Variants in DNAH3 observed in about 807,000 individuals in gnomAD.
The protein encoded by DNAH3 is dynein axonemal heavy chain 3, also known as axonemal beta dynein heavy chain 3.
DNAH3 carries 332 observed loss-of-function variants against 432.5 expected under a neutral mutation model. That is an observed-to-expected ratio of 0.77 (90% CI 0.70 to 0.84). DNAH3 has a LOEUF of 0.84. Among genes scored for constraint, DNAH3 ranks in the 40% least tolerant of loss-of-function variants. The pLI, the probability that DNAH3 is intolerant of heterozygous loss-of-function variation, is 0.00. For synonymous variants in DNAH3, 1,956 were observed against 1,900.2 expected (o/e 1.03, Z -0.76); for missense variants, 4,861 against 5,114.0 (o/e 0.95, Z 1.51).
chr16:20,936,626 G>A (rs368024934), intron 60 of DNAH3, 23 bp downstream of exon 60: 40 of 1,567,664 alleles, frequency 2.6e-5, no homozygotes, highest in African/African-American at 1.5e-4. Context: ...CCAGGTTCCC[G>A]GTTACCCCTG....
At chr16:21,159,314 C>T in intron 1 of DNAH3, 3 of 1,610,124 alleles carry the variant, frequency 1.9e-6, no homozygotes, top group Non-Finnish European at 2.6e-6. Flanking sequence ...GGACGCGGAC[C>T]CCCTCTCCAC....
At chr16:20,978,474 A>G (rs1433263321) in intron 50 of DNAH3, among the ~76,000 whole-genome samples, 1 of 152,198 alleles carries the variant, frequency 6.6e-6, no homozygotes, top group Non-Finnish European at 1.5e-5. Context: ...GGTTGCAGTG[A>G]GCTGAGATTG....
At chr16:21,156,171 TTTTATTTTATTTTATTTTATTTTATTTTA>T (rs1458565887) in intron 1 of DNAH3, among the ~76,000 whole-genome samples, 6 of 139,662 alleles carry the variant, frequency 4.3e-5, no homozygotes, top group South Asian at 2.1e-4. Flanking sequence ...TCTTATTTTA[TTTTATTTTATTTTATTTTATTTTATTTTA>T]TTTATTTTAT....
At chr16:20,989,058 T>C (rs367941824) in intron 44 of DNAH3, among the ~76,000 whole-genome samples, 35 of 152,332 alleles carry the variant, frequency 2.3e-4, no homozygotes, top group South Asian at 8.3e-4. Flanking sequence ...TAAGATTTAC[T>C]GCAAAGAGCG....
At chr16:21,004,213 A>T (rs553512533) in intron 41 of DNAH3, among the ~76,000 whole-genome samples, 189 of 152,284 alleles carry the variant, frequency 1.2e-3, no homozygotes, top group African/African-American at 4.3e-3. Flanking sequence ...AGAAAAATTT[A>T]AAAAATGAAA....
chr16:20,959,696 C>G lies in DNAH3; in HGVS notation c.10601-292G>C, dbSNP rs2084735476. Among the ~76,000 whole-genome samples the G allele has an allele frequency of 2.0e-5, 3 of 151,690 alleles. No individual in the cohort carries two copies. The South Asian group carries it at 6.2e-4, about 32-fold the overall frequency. On this transcript the variant is annotated intron_variant, in intron 53 of 61. Coordinates refer to ENST00000261383, the Ensembl canonical transcript of DNAH3. ...TGGGGTTCACATTAAATTTTGGACTCAGAAAAAAACTCATTGGCTTCTGTT... is the reference window on the plus strand; with the variant it reads ...TGGGGTTCACATTAAATTTTGGACTGAGAAAAAAACTCATTGGCTTCTGTT...
chr16:21,136,213 AG>A lies in DNAH3; in HGVS notation c.886+110del, dbSNP rs1266746660. The A allele has an allele frequency of 5.6e-6, 6 of 1,072,874 alleles. No individual in the cohort carries two copies. In the African/African-American group the frequency reaches 9.6e-5, roughly 17 times the overall value. 66.5% of individuals were successfully genotyped at this position (1,072,874 alleles called of 1,614,324 possible). A position where few individuals can be genotyped will look rare whatever the true frequency, so the allele number is the denominator to read the frequency against. The stretch of plus-strand genomic sequence containing the variant: ...AGGATTGCTTGAGCCCAGGAGTTCC[AG>A]ACCAGCCTGAGCAACAAAGCAAGAC... On this transcript the variant is annotated intron_variant, in intron 6 of 61. Transcript: ENST00000261383.
At chr16:21,050,365 C>T (rs330139) in intron 29 of DNAH3, among the ~76,000 whole-genome samples, 13 of 152,160 alleles carry the variant, frequency 8.5e-5, no homozygotes, top group African/African-American at 1.9e-4. Context: ...AGTGAGAATA[C>T]TCATAAACTC....
intron 54 of DNAH3, 50 bp from the exon 55 acceptor site, chr16:20,955,107 T>A: frequency 2.0e-6 from 3 of 1,503,500 alleles, no homozygotes; most frequent in Non-Finnish European, 2.7e-6. Context: ...TAAGTTATAG[T>A]GAAAAGCAAC....
rs1034530394 is a variant in DNAH3 at position 20,959,412 on chromosome 16, C to T, written c.10601-8G>A. Reference sequence around the variant, plus strand: ...CAGCAAACTTCAGCAGGCCTGAGACCAGGAAGAAAGGAGGCTTTTGAAAGA... The same window carrying T: ...CAGCAAACTTCAGCAGGCCTGAGACTAGGAAGAAAGGAGGCTTTTGAAAGA... On this transcript the variant is annotated splice_polypyrimidine_tract_variant and splice_region_variant and intron_variant, in intron 53 of 61. Transcript: ENST00000261383. The T allele has an allele frequency of 1.0e-5, 16 of 1,607,348 alleles. No homozygotes were observed. In the Admixed American group the frequency reaches 1.7e-4, roughly 17 times the overall value.
intron 27 of DNAH3, 132 bp downstream of exon 27, chr16:21,057,954 C>T (rs915426230): frequency 1.5e-5 from 10 of 668,296 alleles, no homozygotes; most frequent in African/African-American, 8.9e-5. Context: ...CTCATGGGAA[C>T]CCTGATGTCT....
At chr16:21,112,163 A>G (rs1055127103) in intron 12 of DNAH3, 65 bp from the exon 13 acceptor site, 22 of 1,111,166 alleles carry the variant, frequency 2.0e-5, no homozygotes, top group Non-Finnish European at 2.9e-5. Context: ...GATGAGTCAG[A>G]GTGGCAAATG....
At chr16:21,144,308 G>A (rs1485087460) in intron 3 of DNAH3, among the ~76,000 whole-genome samples, 1 of 152,110 alleles carries the variant, frequency 6.6e-6, no homozygotes, top group African/African-American at 2.4e-5. Context: ...AAAGCCTATG[G>A]GTTCTCTCTT....
intron 17 of DNAH3, among the ~76,000 whole-genome samples, chr16:21,097,706 G>A (rs1246966847): frequency 1.3e-5 from 2 of 152,158 alleles, no homozygotes; most frequent in Admixed American, 6.5e-5. Context: ...GGTCTGTCTG[G>A]TTGAAACTGT....
chr16:20,964,744 T>G (rs1185294397), exon 53 of DNAH3: 1 of 1,614,060 alleles, frequency 6.2e-7, no homozygotes, highest in South Asian at 1.1e-5. Context: ...TTTTATGGGA[T>G]CCCCTAACGT....
intron 61 of DNAH3, among the ~76,000 whole-genome samples, chr16:20,934,632 G>A (rs1161180376): frequency 2.0e-5 from 3 of 152,192 alleles, no homozygotes; most frequent in Non-Finnish European, 4.4e-5. Context: ...ACATCATGAA[G>A]TCAAAAAATT....
chr16:21,115,458 G>A (rs2152807117), intron 12 of DNAH3, among the ~76,000 whole-genome samples: 1 of 151,322 alleles, frequency 6.6e-6, no homozygotes, highest in South Asian at 2.1e-4. Context: ...TGTAATCCCA[G>A]CACTTTGGGA....
At position 20,936,654 on chromosome 16, in the gene DNAH3, A is replaced by C. The variant is rs983413993; in HGVS notation, c.11854T>G (p.Phe3952Val). 1.3e-6 allele frequency: 2 copies of C among 1,594,454 alleles called. No individual in the cohort carries two copies. Among genetic ancestry groups the C allele is most frequent in the Admixed American group, 3.4e-5 (2 of 58,428 alleles). Residue 3952 changes from phenylalanine (F) to valine (V), a missense_variant, in exon 60 of 62, where the codon TTC becomes GTC. By Grantham distance (50) the Phe-to-Val change is conservative. Coordinates refer to ENST00000261383, the Ensembl canonical transcript of DNAH3. ...TACCCCTGACTCCCAGGTACCTGGA[A>C]GAAGGTCAGGCGGGCCAGCAGGTCA...
chr16:20,962,086 G>A (rs1268477051), intron 53 of DNAH3, among the ~76,000 whole-genome samples: 1 of 151,700 alleles, frequency 6.6e-6, no homozygotes, highest in Non-Finnish European at 1.5e-5. Flanking sequence ...GCTTGAACCC[G>A]AGAGGTGGAG....
Sources: gnomAD v4.1 joint callset for allele counts (sites outside exome capture counted in the v4.1 genomes callset) on GRCh38, gnomAD v4.1.1 for gene constraint, MANE v1.5 for transcripts, NCBI Gene and HGNC (gene_info 2026-07-23, HGNC 2026-07-21) for gene names.